The following DISC1 variants were observed in gnomAD, a reference collection of about 807,000 sequenced individuals.
DISC1 encodes disrupted in schizophrenia 1 protein.
A neutral mutation model predicts 84.5 loss-of-function variants in DISC1; 57 were observed. That is an observed-to-expected ratio of 0.67 (90% CI 0.55 to 0.84). The LOEUF (loss-of-function observed/expected upper bound fraction) is 0.84, where lower values mean the gene tolerates loss of function less well. Ranked by LOEUF, DISC1 falls within the 40% of genes least tolerant of loss-of-function variation. DISC1 has a pLI of 0.00. For missense variants in DISC1, 1,000 were observed against 1,057.8 expected, an observed-to-expected ratio of 0.95 and a Z score of 0.76; for synonymous variants, 411 against 415.2, an observed-to-expected ratio of 0.99 and a Z score of 0.12.
At chr1:231,834,765 T>G in intron 9 of DISC1, among the ~76,000 whole-genome samples, 1 of 151,954 alleles carries the variant, frequency 6.6e-6, no homozygotes, top group Admixed American at 6.6e-5. Context: ...GGATGGGGGG[T>G]TCTTGCCCCC....
intron 11 of DISC1, among the ~76,000 whole-genome samples, chr1:232,018,054 G>A (rs1433621361): frequency 6.6e-6 from 1 of 152,146 alleles, no homozygotes; most frequent in Admixed American, 6.5e-5. Context: ...TCTGTTAGGT[G>A]TGGAAGCTTT....
intron 8 of DISC1, among the ~76,000 whole-genome samples, chr1:231,812,258 A>G (rs538669068): frequency 3.3e-5 from 5 of 152,134 alleles, no homozygotes; most frequent in South Asian, 2.1e-4. Context: ...GGGTCTTGCT[A>G]TGTTGCCCAG....
At chr1:231,660,195 T>C (rs2061459831) in intron 1 of DISC1, among the ~76,000 whole-genome samples, 1 of 152,190 alleles carries the variant, frequency 6.6e-6, no homozygotes, top group African/African-American at 2.4e-5. Context: ...TAGTTAGCTC[T>C]TGTTGAATTG....
At chr1:231,936,050 G>A (rs184992305) in intron 9 of DISC1, among the ~76,000 whole-genome samples, 115 of 152,314 alleles carry the variant, frequency 7.6e-4, no homozygotes, top group African/African-American at 2.6e-3. Flanking sequence ...AGAGAGGAAA[G>A]TGTGTCCATG....
intron 11 of DISC1, among the ~76,000 whole-genome samples, chr1:232,011,345 C>T (rs1168398841): frequency 6.6e-6 from 1 of 152,094 alleles, no homozygotes; most frequent in Non-Finnish European, 1.5e-5. Flanking sequence ...TCCTCTCCAC[C>T]AATTGAAATG....
intron 9 of DISC1, among the ~76,000 whole-genome samples, chr1:231,929,255 G>C (rs954318733): frequency 2.0e-5 from 3 of 152,104 alleles, no homozygotes; most frequent in African/African-American, 7.2e-5. Context: ...ATTGGGTGCA[G>C]ATATATTTAG....
chr1:231,795,201 G>T (rs1303108457), intron 6 of DISC1, 41 bp from the exon 7 acceptor site: 1 of 1,588,050 alleles, frequency 6.3e-7, no homozygotes, highest in Admixed American at 1.7e-5. Flanking sequence ...ATTGAATTGT[G>T]GTTACCAAGA....
At chr1:231,722,896 G>T in intron 3 of DISC1, 2 of 1,320,730 alleles carry the variant, frequency 1.5e-6, no homozygotes, top group South Asian at 1.7e-5. Context: ...ATTGTTCTGT[G>T]TTGGGACAAT....
intron 6 of DISC1, chr1:231,774,751 C>A: frequency 2.2e-6 from 1 of 456,038 alleles, no homozygotes; most frequent in Non-Finnish European, 4.4e-6. Context: ...AGCTGATGGG[C>A]TGCAGCATGG....
At chr1:231,991,492 A>G (rs976410165) in intron 10 of DISC1, among the ~76,000 whole-genome samples, 19 of 152,128 alleles carry the variant, frequency 1.2e-4, no homozygotes, top group South Asian at 4.1e-4. Context: ...TCAAGACTCA[A>G]TGGAGCTCTT....
chr1:231,956,465 C>A (rs560730026), intron 9 of DISC1, among the ~76,000 whole-genome samples: 2 of 152,254 alleles, frequency 1.3e-5, no homozygotes, highest in Middle Eastern at 3.4e-3. Context: ...ATTGCACTAA[C>A]CTCCTCCATG....
At chr1:231,755,336 C>CA (rs1333653866) in intron 4 of DISC1, among the ~76,000 whole-genome samples, 1 of 151,876 alleles carries the variant, frequency 6.6e-6, no homozygotes, top group Non-Finnish European at 1.5e-5. Context: ...CCACCATGCC[C>CA]AGCCCCTTTC....
At chr1:231,695,786 G>A (rs2065610517) in intron 2 of DISC1, among the ~76,000 whole-genome samples, 1 of 152,072 alleles carries the variant, frequency 6.6e-6, no homozygotes, top group South Asian at 2.1e-4. Flanking sequence ...CATTTGGGAG[G>A]AGTAATCTGC....
At chr1:231,895,624 A>ATT (rs5781674) in intron 9 of DISC1, among the ~76,000 whole-genome samples, 155 of 149,808 alleles carry the variant, frequency 1.0e-3, no homozygotes, top group African/African-American at 2.5e-3. Flanking sequence ...ACTGTGCTAG[A>ATT]TTTTTTTTTT....
chr1:231,958,477 A>T (rs368613488), intron 9 of DISC1, among the ~76,000 whole-genome samples: 3 of 152,182 alleles, frequency 2.0e-5, no homozygotes, highest in African/African-American at 7.2e-5. Flanking sequence ...CTTTCCCTGT[A>T]TTGGACAACC....
intron 6 of DISC1, among the ~76,000 whole-genome samples, chr1:231,782,043 G>A (rs2077466559): frequency 2.0e-5 from 3 of 152,224 alleles, no homozygotes; most frequent in African/African-American, 7.2e-5. Flanking sequence ...AGCAAAGCCA[G>A]ACAGAACCTC....
intron 10 of DISC1, among the ~76,000 whole-genome samples, chr1:232,001,618 A>T (rs1433938110): frequency 3.3e-5 from 5 of 152,222 alleles, no homozygotes; most frequent in Admixed American, 3.3e-4. Flanking sequence ...GCGAAGGTAT[A>T]AAAGTAATTC....
intron 1 of DISC1, among the ~76,000 whole-genome samples, chr1:231,632,011 T>C (rs2058749979): frequency 6.6e-6 from 1 of 152,204 alleles, no homozygotes; most frequent in Non-Finnish European, 1.5e-5. Flanking sequence ...ATAGTGTATT[T>C]TTACTGTACC....
chr1:231,967,724 G>T (rs1001122309), intron 10 of DISC1, among the ~76,000 whole-genome samples: 2 of 152,050 alleles, frequency 1.3e-5, no homozygotes, highest in Non-Finnish European at 2.9e-5. Flanking sequence ...AATATAAAGC[G>T]CTTAATTCTA....
Sources: allele counts gnomAD v4.1 joint callset (sites outside exome capture counted in the v4.1 genomes callset), GRCh38; gene constraint gnomAD v4.1.1; transcripts MANE v1.5; gene names NCBI Gene and HGNC (gene_info 2026-07-23, HGNC 2026-07-21).